MINDY4: variants seen among roughly 807,000 people sequenced by gnomAD.
The protein encoded by MINDY4 is MINDY lysine 48 deubiquitinase 4, also known as probable ubiquitin carboxyl-terminal hydrolase MINDY-4.
In MINDY4, 68 loss-of-function variants were observed where a neutral mutation model predicts 87.0. The observed-to-expected ratio is 0.78, with a 90% CI of 0.64 to 0.96. MINDY4 has a LOEUF of 0.96. MINDY4 is among the 40% of genes least tolerant of loss of function. MINDY4 has a pLI of 0.00. For missense variants in MINDY4, 919 were observed against 928.2 expected (o/e 0.99, Z 0.13); for synonymous variants, 379 against 363.2 (o/e 1.04, Z -0.50).
At chr7:30,845,827 C>T (rs141642052) in intron 9 of MINDY4, among the ~76,000 whole-genome samples, 197 of 152,338 alleles carry the variant, frequency 1.3e-3, no homozygotes, top group African/African-American at 4.3e-3. Context: ...TTCTGCAGGA[C>T]TGTCTGGCTT....
At chr7:30,835,710 CCT>C (rs1243664046) in intron 6 of MINDY4, among the ~76,000 whole-genome samples, 1 of 152,220 alleles carries the variant, frequency 6.6e-6, no homozygotes, top group Non-Finnish European at 1.5e-5. Context: ...CTGGCAGGCC[CCT>C]CTAGGGAGCT....
In MINDY4 at chr7:30,833,368, GGCA is replaced by G. The variant is rs1353710874; in HGVS notation, c.1133-3289_1133-3287del. On this transcript the variant is annotated intron_variant, in intron 6 of 17. Coordinates refer to ENST00000265299, the MANE Select transcript of MINDY4 (RefSeq NM_032222.3). ...GGCAGGCAAAGAGAGAGCCTGTGTA[GGCA>G]AGCTTCTGTTTTTAAAAGCCATCAT... Among the ~76,000 whole-genome samples, 678 of 152,322 alleles carry G rather than the reference GGCA, an allele frequency of 4.5e-3. 4 individuals are homozygous for G. The highest frequency in any genetic ancestry group is 0.016 in the African/African-American group (656 of 41,564).
At chr7:30,848,432 G>T (rs1350066572) in intron 9 of MINDY4, among the ~76,000 whole-genome samples, 1 of 152,236 alleles carries the variant, frequency 6.6e-6, no homozygotes, top group Non-Finnish European at 1.5e-5. Flanking sequence ...AGGATGTGCA[G>T]TTGACAGTAC....
intron 5 of MINDY4, among the ~76,000 whole-genome samples, chr7:30,825,819 T>C (rs543982560): frequency 4.6e-5 from 7 of 152,374 alleles, no homozygotes; most frequent in African/African-American, 1.7e-4. Flanking sequence ...TTACCATTGC[T>C]GCCATAACAA....
At chr7:30,778,640 G>C in intron 2 of MINDY4, 89 bp downstream of exon 2, 4 of 1,471,820 alleles carry the variant, frequency 2.7e-6, no homozygotes, top group Non-Finnish European at 2.8e-6. Context: ...GACAGGAGAG[G>C]CTTGAGGTTC....
chr7:30,782,085 C>T lies in MINDY4; in HGVS notation c.292C>T (p.Leu98Phe), dbSNP rs201284950. 6.2e-7 allele frequency: 1 copy of T among 1,614,070 alleles called. No homozygotes were observed. The highest frequency in any genetic ancestry group is 8.5e-7 in the Non-Finnish European group (1 of 1,179,976). ...CACTCAAGATACCCCAATCCCTGCA[C>T]TCTCAGTTCCAAAGAAAAATAACAA... is the stretch of plus-strand genomic sequence containing the variant. ...NFTQDTPIPA[L>F]SVPKKNNKVP... Residue 98 changes from leucine (L) to phenylalanine (F), a missense_variant, in exon 3 of 18, where the codon CTC (leucine) becomes TTC (phenylalanine). Leu to Phe is a conservative substitution (Grantham distance 22). Coordinates refer to ENST00000265299, the MANE Select transcript of MINDY4 (RefSeq NM_032222.3).
chr7:30,839,673 A>G (rs925345233), intron 8 of MINDY4, among the ~76,000 whole-genome samples: 1 of 151,902 alleles, frequency 6.6e-6, no homozygotes, highest in Non-Finnish European at 1.5e-5. Context: ...TGAGAGATTC[A>G]CAGGATTTTG....
chr7:30,824,938 A>G (rs1275279494), intron 5 of MINDY4, among the ~76,000 whole-genome samples: 1 of 151,970 alleles, frequency 6.6e-6, no homozygotes, highest in Non-Finnish European at 1.5e-5. Context: ...TCCTGGTCCC[A>G]TGGAGCCCAG....
intron 15 of MINDY4, among the ~76,000 whole-genome samples, chr7:30,877,683 C>CT (rs573026878): frequency 0.11 from 12,596 of 112,506 alleles, 883 homozygotes; most frequent in East Asian, 0.27. Context: ...TCTTCTTCTT[C>CT]TTTTTTTTTT....
rs182011413 is a variant in MINDY4, at chr7:30,843,487, C to T, written c.1445+2639C>T. On this transcript the variant is annotated intron_variant, in intron 9 of 17. Transcript: ENST00000265299. ...TGCTTTTGAACTTCACCGTGGGCTT[C>T]TGGGGGAACTTGTGGATGGTTTCCC... Among the ~76,000 whole-genome samples, 787 of 152,354 alleles carry T rather than the reference C, an allele frequency of 5.2e-3. 3 individuals carry two copies. Among genetic ancestry groups the T allele is most frequent in the South Asian group, 0.022 (105 of 4,828 alleles).
intron 5 of MINDY4, 81 bp downstream of exon 5, chr7:30,791,655 A>G (rs1212836665): frequency 7.1e-7 from 1 of 1,406,852 alleles, no homozygotes; most frequent in African/African-American, 1.4e-5. Context: ...AATGGCTCCG[A>G]AGGGAACTTC....
chr7:30,825,235 T>C (rs112098661), intron 5 of MINDY4, among the ~76,000 whole-genome samples: 1 of 152,362 alleles, frequency 6.6e-6, no homozygotes, highest in African/African-American at 2.4e-5. Flanking sequence ...GTAAAGCTTA[T>C]GCCACAAAGA....
chr7:30,863,511 G>A (rs186510211), intron 13 of MINDY4, among the ~76,000 whole-genome samples: 6 of 152,288 alleles, frequency 3.9e-5, no homozygotes, highest in Admixed American at 1.3e-4. Context: ...GGGCATAGTC[G>A]TTCCTCCCTC....
chr7:30,803,889 T>C (rs1328068294), intron 5 of MINDY4, among the ~76,000 whole-genome samples: 1 of 152,242 alleles, frequency 6.6e-6, no homozygotes, highest in African/African-American at 2.4e-5. Context: ...CTAAGGATCA[T>C]GGCATTTATT....
chr7:30,857,023 G>A (rs1562556015), intron 12 of MINDY4, among the ~76,000 whole-genome samples: 1 of 152,148 alleles, frequency 6.6e-6, no homozygotes, highest in Non-Finnish European at 1.5e-5. Context: ...GAAGTGGCTG[G>A]CCTGAGATCA....
chr7:30,811,810 C>T (rs568900216), intron 5 of MINDY4, among the ~76,000 whole-genome samples: 5 of 152,278 alleles, frequency 3.3e-5, no homozygotes, highest in Non-Finnish European at 7.3e-5. Flanking sequence ...CGATCACGAC[C>T]CTCTCATGCG....
chr7:30,843,699 G>T (rs757192915), intron 9 of MINDY4, among the ~76,000 whole-genome samples: 20 of 149,832 alleles, frequency 1.3e-4, no homozygotes, highest in Non-Finnish European at 2.4e-4. Context: ...GGATCCCAAG[G>T]GGGTGTCTGG....
chr7:30,863,577 C>G (rs1789834437), intron 13 of MINDY4, among the ~76,000 whole-genome samples: 2 of 152,288 alleles, frequency 1.3e-5, no homozygotes, highest in Non-Finnish European at 1.5e-5. Context: ...TTCTTTGGCC[C>G]TTGCACCAAA....
At chr7:30,842,178 A>G (rs528570831) in intron 9 of MINDY4, among the ~76,000 whole-genome samples, 1 of 152,358 alleles carries the variant, frequency 6.6e-6, no homozygotes, top group Non-Finnish European at 1.5e-5. Context: ...GCTAATCAGA[A>G]GCACAGCAAT....
Sources: allele counts gnomAD v4.1 joint callset (sites outside exome capture counted in the v4.1 genomes callset), GRCh38; gene constraint gnomAD v4.1.1; transcripts MANE v1.5; gene names NCBI Gene and HGNC (gene_info 2026-07-23, HGNC 2026-07-21).